Variants in GALNT18 observed in about 807,000 individuals in gnomAD.
GALNT18 encodes GalNAc-transferase 18.
GALNT18 carries 44 observed loss-of-function variants against 69.5 expected under a neutral mutation model. The ratio of observed to expected loss-of-function variants is 0.63; its 90% CI spans 0.50 to 0.81. The LOEUF is 0.81. Among genes scored for constraint, GALNT18 ranks in the 40% least tolerant of loss-of-function variants. The probability of loss-of-function intolerance (pLI) is 0.00; values close to 1 mark genes in which losing one functional copy is unlikely to be tolerated. For missense variants in GALNT18, 715 were observed against 810.0 expected (o/e 0.88, Z 1.42); for synonymous variants, 364 against 318.2 (o/e 1.14, Z -1.53).
At chr11:11,490,618 A>G (rs997296986) in intron 1 of GALNT18, among the ~76,000 whole-genome samples, 1 of 152,206 alleles carries the variant, frequency 6.6e-6, no homozygotes, top group African/African-American at 2.4e-5. Flanking sequence ...AGGGACAGGT[A>G]CTATTGTTTT....
intron 6 of GALNT18, among the ~76,000 whole-genome samples, chr11:11,363,346 C>T (rs188256374): frequency 3.6e-3 from 554 of 152,110 alleles, no homozygotes; most frequent in African/African-American, 0.013. Flanking sequence ...GTAGGACAAC[C>T]GTACAGAGAG....
At chr11:11,522,016 A>G (rs4421739) in intron 1 of GALNT18, among the ~76,000 whole-genome samples, 152,270 of 152,270 alleles carry the variant, frequency 1, 76,135 homozygotes, top group Non-Finnish European at 1. Flanking sequence ...CAAATATCAG[A>G]CACAGCAAGT....
intron 9 of GALNT18, among the ~76,000 whole-genome samples, chr11:11,308,226 G>C (rs1300346509): frequency 3.9e-5 from 6 of 152,180 alleles, no homozygotes; most frequent in Non-Finnish European, 7.3e-5. Context: ...CGCCGTGTAA[G>C]CGATGGTGGA....
At chr11:11,446,841 T>C (rs1478228736) in intron 2 of GALNT18, among the ~76,000 whole-genome samples, 1 of 152,160 alleles carries the variant, frequency 6.6e-6, no homozygotes, top group Non-Finnish European at 1.5e-5. Context: ...GCTGCACTCC[T>C]TGCAAAAGCC....
rs1213554121 is a variant in GALNT18 at position 11,620,910 on chromosome 11, G to A, written c.235+449C>T. On this transcript the variant is annotated intron_variant, in intron 1 of 10. Coordinates refer to ENST00000227756, the MANE Select transcript of GALNT18 (RefSeq NM_198516.3). The surrounding 1 kb of genome is among the most constrained non-coding windows in gnomAD (Gnocchi z 6.9). ...CGGGTCTTAACTGCCAATAGTCAGG[G>A]CCGCCGCGCGGGCATCTCGCCTGAC... 2.6e-5 allele frequency among the ~76,000 whole-genome samples: 4 copies of A among 152,170 alleles called. No homozygotes were observed. Among genetic ancestry groups the A allele is most frequent in the Non-Finnish European group, 1.5e-5 (1 of 68,024 alleles).
rs73415697 is a variant in GALNT18 at position 11,298,649 on chromosome 11, C to T, written c.1513-5456G>A. 7.6e-3 allele frequency among the ~76,000 whole-genome samples: 1,154 copies of T among 152,330 alleles called. 13 individuals are homozygous for T. The highest frequency in any genetic ancestry group is 0.026 in the African/African-American group (1,087 of 41,570). ...CAGGGCCGTTCCCACCAGGTTGTCA[C>T]GCTGAGCTCTGGGGATTCCAAGAAG... On this transcript the variant is annotated intron_variant, in intron 9 of 10. Transcript: ENST00000227756.
chr11:11,316,416 G>A (rs6484805), intron 9 of GALNT18, among the ~76,000 whole-genome samples: 111,162 of 152,092 alleles, frequency 0.73, 40,897 homozygotes, highest in Admixed American at 0.81. Context: ...GTGCAAGCAC[G>A]ATCCATGAGA....
intron 3 of GALNT18, among the ~76,000 whole-genome samples, chr11:11,395,924 T>A (rs1854315569): frequency 6.6e-6 from 1 of 151,852 alleles, no homozygotes; most frequent in South Asian, 2.1e-4. Flanking sequence ...AAAAAGAGAC[T>A]CTCAGAACCA....
intron 10 of GALNT18, among the ~76,000 whole-genome samples, chr11:11,289,247 A>C (rs1849254326): frequency 1.8e-5 from 2 of 113,090 alleles, no homozygotes; most frequent in South Asian, 5.1e-4. Context: ...CACATATATT[A>C]ATTATTAAAT....
In GALNT18 at chr11:11,351,925, C is replaced by T. The variant is rs755381690; in HGVS notation, c.1093-10921G>A. The T allele has an allele frequency of 2.6e-6, 4 of 1,545,848 alleles. No individual in the cohort carries two copies. The Admixed American group carries it at 7.6e-5, about 30-fold the overall frequency. On this transcript the variant is annotated intron_variant, in intron 6 of 10. Transcript: ENST00000227756. ...GACTCCCCCACCTCTGCTCAGGCAT[C>T]AGGAGACAGATAGGGCCGTTACTGC...
intron 1 of GALNT18, among the ~76,000 whole-genome samples, chr11:11,506,173 C>A (rs760334445): frequency 6.6e-6 from 1 of 152,120 alleles, no homozygotes; most frequent in African/African-American, 2.4e-5. Context: ...TCTATGTCCC[C>A]AGAACTCCAG....
chr11:11,335,801 A>G (rs1459016435), intron 7 of GALNT18, among the ~76,000 whole-genome samples: 1 of 152,180 alleles, frequency 6.6e-6, no homozygotes, highest in Admixed American at 6.5e-5. Flanking sequence ...AAGGTGATAC[A>G]TCCACAACCA....
rs139702243 is a variant in GALNT18, at chr11:11,504,126, C to T, written c.236-55190G>A. ...TTACACAGTTTTCTTTTCTGTTGAGCTCCTGAGGGCCAGGGCATGTGCCAC... is the reference window on the plus strand; with the variant it reads ...TTACACAGTTTTCTTTTCTGTTGAGTTCCTGAGGGCCAGGGCATGTGCCAC... On this transcript the variant is annotated intron_variant, in intron 1 of 10. Coordinates refer to ENST00000227756, the MANE Select transcript of GALNT18 (RefSeq NM_198516.3). Among the ~76,000 whole-genome samples the T allele has an allele frequency of 1.8e-3, 278 of 152,318 alleles. 1 individual carries two copies. The highest frequency in any genetic ancestry group is 0.01 in the Middle Eastern group (3 of 294).
intron 3 of GALNT18, among the ~76,000 whole-genome samples, chr11:11,411,268 C>T (rs1294411394): frequency 3.3e-5 from 5 of 152,186 alleles, no homozygotes; most frequent in Non-Finnish European, 7.3e-5. Context: ...GAGCTGTGGT[C>T]ACCACTGCCT....
chr11:11,471,164 CTTCCGCCTG>C (rs1380953140), intron 1 of GALNT18, among the ~76,000 whole-genome samples: 3 of 152,160 alleles, frequency 2.0e-5, no homozygotes, highest in African/African-American at 7.2e-5. Flanking sequence ...TCTACCCTGG[CTTCCGCCTG>C]TCCATCCGTC....
At chr11:11,514,061 G>A (rs918798681) in intron 1 of GALNT18, among the ~76,000 whole-genome samples, 7 of 152,192 alleles carry the variant, frequency 4.6e-5, no homozygotes, top group African/African-American at 1.4e-4. Context: ...TTACAGAGGA[G>A]GAGGCTGGAA....
At chr11:11,547,494 GA>G (rs1340090132) in intron 1 of GALNT18, among the ~76,000 whole-genome samples, 1 of 152,232 alleles carries the variant, frequency 6.6e-6, no homozygotes, top group Non-Finnish European at 1.5e-5. Context: ...GGGCCTCTAT[GA>G]AGTTGCCAGG....
At chr11:11,525,919 C>G (rs1172309587) in intron 1 of GALNT18, among the ~76,000 whole-genome samples, 9 of 152,132 alleles carry the variant, frequency 5.9e-5, no homozygotes, top group African/African-American at 2.2e-4. Context: ...CACTCATGAG[C>G]CACCGTGCCC....
In GALNT18 at chr11:11,284,833, C is replaced by CTTT. The variant is rs10664932; in HGVS notation, c.1677+8193_1677+8195dup. On this transcript the variant is annotated intron_variant, in intron 10 of 10. Coordinates refer to ENST00000227756, the MANE Select transcript of GALNT18 (RefSeq NM_198516.3). ...AGTTAAAGAAACCCTGAGATTAAGTCTTTTTTTGGTAGAGTTAAGTGGTCT... is the reference window on the plus strand; with the variant it reads ...AGTTAAAGAAACCCTGAGATTAAGTCTTTTTTTTTTGGTAGAGTTAAGTGGTCT... 4.9e-3 allele frequency among the ~76,000 whole-genome samples: 740 copies of CTTT among 149,502 alleles called. 11 individuals are homozygous for CTTT. Among genetic ancestry groups the CTTT allele is most frequent in the African/African-American group, 0.017 (674 of 40,270 alleles).
Sources: allele counts gnomAD v4.1 joint callset (sites outside exome capture counted in the v4.1 genomes callset), GRCh38; gene constraint gnomAD v4.1.1; non-coding constraint Gnocchi (gnomAD v3.1); transcripts MANE v1.5; gene names NCBI Gene and HGNC (gene_info 2026-07-23, HGNC 2026-07-21).